The following CDH18 variants were observed in gnomAD, a reference collection of about 807,000 sequenced individuals.
CDH18 encodes cadherin 18, also known as cadherin-18.
Under a neutral mutation model 67.9 loss-of-function variants are expected in CDH18, and 31 were observed. The ratio of observed to expected loss-of-function variants is 0.46; its 90% confidence interval spans 0.34 to 0.62. The LOEUF is 0.62. CDH18 is among the 20% of genes least tolerant of loss of function. CDH18 has a pLI of 0.01. For missense variants in CDH18, 890 were observed against 975.5 expected (o/e 0.91, Z 1.17); for synonymous variants, 362 against 347.2 (o/e 1.04, Z -0.48).
chr5:19,798,977 CTTTATCCA>C (rs959689964), intron 3 of CDH18, among the ~76,000 whole-genome samples: 1 of 151,982 alleles, frequency 6.6e-6, no homozygotes, highest in African/African-American at 2.4e-5. Flanking sequence ...ACTACATTTT[CTTTATCCA>C]TTTATCTGTC....
intron 1 of CDH18, among the ~76,000 whole-genome samples, chr5:20,333,707 A>C (rs1739418294): frequency 6.6e-6 from 1 of 152,082 alleles, no homozygotes; most frequent in Non-Finnish European, 1.5e-5. Flanking sequence ...ACCGGCATCG[A>C]TTGTGCTATT....
chr5:20,493,530 C>T (rs1382716409), intron 1 of CDH18, among the ~76,000 whole-genome samples: 1 of 151,982 alleles, frequency 6.6e-6, no homozygotes, highest in Non-Finnish European at 1.5e-5. Flanking sequence ...TTGCATAAGG[C>T]AGACCCCAAG....
At chr5:20,129,236 T>A (rs1261581931) in intron 2 of CDH18, among the ~76,000 whole-genome samples, 1 of 151,992 alleles carries the variant, frequency 6.6e-6, no homozygotes, top group African/African-American at 2.4e-5. Flanking sequence ...AGACCCAATA[T>A]AAATGAAAAA....
At chr5:20,303,168 T>C (rs1187857247) in intron 1 of CDH18, among the ~76,000 whole-genome samples, 2 of 152,198 alleles carry the variant, frequency 1.3e-5, no homozygotes, top group Non-Finnish European at 1.5e-5. Context: ...AGTTTTCATA[T>C]GCGTGGGGTT....
chr5:19,557,814 C>T (rs1489225579), intron 8 of CDH18, among the ~76,000 whole-genome samples: 2 of 152,054 alleles, frequency 1.3e-5, no homozygotes, highest in Non-Finnish European at 2.9e-5. Flanking sequence ...CTTTAAAGAA[C>T]ATTCTACCCA....
intron 2 of CDH18, among the ~76,000 whole-genome samples, chr5:20,099,239 A>G (rs2150573877): frequency 6.6e-6 from 1 of 152,274 alleles, no homozygotes; most frequent in South Asian, 2.1e-4. Flanking sequence ...TCTTTCTGAG[A>G]GAGGACATAA....
intron 2 of CDH18, among the ~76,000 whole-genome samples, chr5:19,930,707 T>C (rs1457982287): frequency 1.3e-5 from 2 of 152,148 alleles, no homozygotes; most frequent in African/African-American, 4.8e-5. Context: ...AGGAAACAGC[T>C]GGCTGAAAAC....
chr5:19,553,798 A>C (rs1465861360), intron 8 of CDH18, among the ~76,000 whole-genome samples: 1 of 151,672 alleles, frequency 6.6e-6, no homozygotes, highest in African/African-American at 2.4e-5. Flanking sequence ...ATGCCACCCT[A>C]ATTTTTGTAT....
chr5:20,029,860 T>C (rs1451265929), intron 2 of CDH18, among the ~76,000 whole-genome samples: 1 of 152,170 alleles, frequency 6.6e-6, no homozygotes, highest in Non-Finnish European at 1.5e-5. Context: ...TCTGCTCAAA[T>C]TATCGCAAGG....
intron 1 of CDH18, among the ~76,000 whole-genome samples, chr5:20,486,701 ATATATGTGTGTGTGTG>A (rs1753207607): frequency 6.6e-6 from 1 of 150,428 alleles, no homozygotes; most frequent in African/African-American, 2.4e-5. Context: ...ATATATATAC[ATATATGTGTGTGTGTG>A]TATGTGTGTG....
chr5:19,638,979 T>G (rs1753601234), intron 5 of CDH18, among the ~76,000 whole-genome samples: 1 of 51,750 alleles, frequency 1.9e-5, no homozygotes. Context: ...TTGTTGCTGT[T>G]TTTTTTTTTT....
chr5:20,302,860 T>C (rs1252796298), intron 1 of CDH18, among the ~76,000 whole-genome samples: 1 of 152,132 alleles, frequency 6.6e-6, no homozygotes, highest in Admixed American at 6.5e-5. Flanking sequence ...AACATTCAAT[T>C]CTGTATCTCA....
intron 1 of CDH18, among the ~76,000 whole-genome samples, chr5:20,371,278 A>T (rs1012975768): frequency 3.3e-5 from 5 of 152,190 alleles, no homozygotes; most frequent in Non-Finnish European, 7.4e-5. Context: ...TAGTCTGAAG[A>T]CTAGAGGTAG....
chr5:20,030,298 T>A (rs567695515), intron 2 of CDH18, among the ~76,000 whole-genome samples: 34 of 152,180 alleles, frequency 2.2e-4, no homozygotes, highest in South Asian at 6.2e-4. Flanking sequence ...GAGAAAAAAA[T>A]CAAATTGCCA....
chr5:19,546,744 TG>T, intron 8 of CDH18, among the ~76,000 whole-genome samples: 1 of 152,162 alleles, frequency 6.6e-6, no homozygotes, highest in Middle Eastern at 3.4e-3. Flanking sequence ...TGAACACACA[TG>T]GCAGAAGATA....
Position 19,960,819 on chromosome 5 carries a change from GCACA to G in CDH18, c.-257+20237_-257+20240del, listed in dbSNP as rs1234066814. Among the ~76,000 whole-genome samples, 3 of 146,876 alleles carry G rather than the reference GCACA, an allele frequency of 2.0e-5. No individual in the cohort carries two copies. The Admixed American group carries it at 2.0e-4, about 10-fold the overall frequency. Reference sequence around the variant, plus strand: ...TATATGTATATATACACACACACACGCACACAAATATACATACATATATGTAAAC... The same window carrying G: ...TATATGTATATATACACACACACACGCAAATATACATACATATATGTAAAC... On this transcript the variant is annotated intron_variant, in intron 2 of 12. Transcript: ENST00000382275.
intron 3 of CDH18, among the ~76,000 whole-genome samples, chr5:19,827,709 A>G (rs1212202670): frequency 6.6e-6 from 1 of 152,180 alleles, no homozygotes; most frequent in Non-Finnish European, 1.5e-5. Context: ...AAGATACACC[A>G]TACTAGAATA....
At chr5:19,820,729 C>A in intron 3 of CDH18, among the ~76,000 whole-genome samples, 1 of 152,166 alleles carries the variant, frequency 6.6e-6, no homozygotes, top group Non-Finnish European at 1.5e-5. Context: ...TGGTGAGGGT[C>A]TCATCTACTG....
chr5:19,708,932 G>A (rs1411312024), intron 5 of CDH18, among the ~76,000 whole-genome samples: 2 of 151,906 alleles, frequency 1.3e-5, no homozygotes, highest in Admixed American at 6.6e-5. Flanking sequence ...CTCCATGACC[G>A]AGCTGGTCTC....
Sources: allele counts gnomAD v4.1 joint callset (sites outside exome capture counted in the v4.1 genomes callset), GRCh38; gene constraint gnomAD v4.1.1; transcripts MANE v1.5; gene names NCBI Gene and HGNC (gene_info 2026-07-23, HGNC 2026-07-21).